ASPRV1: variants seen among roughly 807,000 people sequenced by gnomAD.
The protein encoded by ASPRV1 is aspartic peptidase retroviral like 1.
Under a neutral mutation model 11.0 loss-of-function variants are expected in ASPRV1, and 7 were observed. The observed-to-expected ratio is 0.64, with a 90% CI of 0.36 to 1.20. ASPRV1 has a LOEUF of 1.20. ASPRV1 is among the 50% of genes most tolerant of loss of function. The pLI is 0.02. For synonymous variants in ASPRV1, 136 were observed against 138.4 expected, an observed-to-expected ratio of 0.98 and a Z score of 0.12; for missense variants, 299 against 320.0, an observed-to-expected ratio of 0.93 and a Z score of 0.50.
the ASPRV1 span, among the ~76,000 whole-genome samples, chr2:70,043,868 G>A: frequency 6.6e-6 from 1 of 152,178 alleles, no homozygotes; most frequent in African/African-American, 2.4e-5. Flanking sequence ...GAACATGCTG[G>A]TGGGCTATCT....
At chr2:69,949,254 C>CGAATGAAT in the ASPRV1 span, among the ~76,000 whole-genome samples, 2,766 of 150,668 alleles carry the variant, frequency 0.018, 60 homozygotes, top group African/African-American at 0.041. Flanking sequence ...GATGGATGGG[C>CGAATGAAT]GAATGAATGA....
At chr2:69,982,713 C>G in the ASPRV1 span, among the ~76,000 whole-genome samples, 5 of 152,134 alleles carry the variant, frequency 3.3e-5, no homozygotes, top group African/African-American at 4.8e-5. Context: ...GCTGGGCAGT[C>G]CTGGGGGCTG....
At chr2:70,021,869 AT>A in the ASPRV1 span, among the ~76,000 whole-genome samples, 8 of 143,684 alleles carry the variant, frequency 5.6e-5, no homozygotes, top group Admixed American at 1.4e-4. Flanking sequence ...TACCCAGCTA[AT>A]TTTTTTTGTA....
At chr2:70,015,514 G>A in the ASPRV1 span, 1 of 152,190 alleles carries the variant, frequency 6.6e-6, no homozygotes, top group Non-Finnish European at 1.5e-5. Flanking sequence ...GGGCAACTGT[G>A]GGACTTGAAT....
the ASPRV1 span, among the ~76,000 whole-genome samples, chr2:69,973,981 T>C: frequency 6.6e-6 from 1 of 152,150 alleles, no homozygotes; most frequent in Non-Finnish European, 1.5e-5. Flanking sequence ...TAACACAACA[T>C]TATATAGTAT....
the ASPRV1 span, among the ~76,000 whole-genome samples, chr2:70,044,833 C>A: frequency 6.6e-6 from 1 of 152,174 alleles, no homozygotes; most frequent in Non-Finnish European, 1.5e-5. Context: ...CCAGTACATG[C>A]AGTGAGGATA....
At chr2:70,034,132 G>C in the ASPRV1 span, among the ~76,000 whole-genome samples, 1 of 132,048 alleles carries the variant, frequency 7.6e-6, no homozygotes, top group Non-Finnish European at 1.5e-5. Context: ...TCCAGCCTGA[G>C]CGACAGCGAG....
the ASPRV1 span, chr2:70,050,736 G>A: frequency 1.3e-5 from 2 of 152,280 alleles, no homozygotes; most frequent in East Asian, 1.9e-4. Context: ...GAGCACTTCA[G>A]GCCAAAGCTC....
the ASPRV1 span, among the ~76,000 whole-genome samples, chr2:69,948,718 C>T: frequency 6.6e-6 from 1 of 152,140 alleles, no homozygotes; most frequent in Non-Finnish European, 1.5e-5. Context: ...GCCCTGCCTC[C>T]GGGGCCACCG....
the ASPRV1 span, among the ~76,000 whole-genome samples, chr2:70,076,966 A>T: frequency 6.6e-6 from 1 of 152,344 alleles, no homozygotes; most frequent in African/African-American, 2.4e-5. Flanking sequence ...AACCACTGTA[A>T]GTCAGGGACT....
chr2:69,981,820 A>C, the ASPRV1 span, among the ~76,000 whole-genome samples: 3 of 152,132 alleles, frequency 2.0e-5, no homozygotes, highest in African/African-American at 7.2e-5. Context: ...TGGCCTCCCA[A>C]AGTGCTGGGA....
the ASPRV1 span, among the ~76,000 whole-genome samples, chr2:70,085,283 A>T: frequency 3.4e-4 from 52 of 152,210 alleles, no homozygotes; most frequent in Non-Finnish European, 6.3e-4. Context: ...ACCGACAGAC[A>T]CCTGAGCCTC....
the ASPRV1 span, chr2:70,071,777 G>T: frequency 1.3e-5 from 2 of 150,548 alleles, no homozygotes; most frequent in East Asian, 4.0e-4. Flanking sequence ...TTAAATTAAT[G>T]AGAAGTCTCA....
At chr2:69,951,004 G>A in the ASPRV1 span, among the ~76,000 whole-genome samples, 3 of 152,058 alleles carry the variant, frequency 2.0e-5, no homozygotes, top group Admixed American at 2.0e-4. Flanking sequence ...GAACGAGAGA[G>A]TGAAAGAGAA....
chr2:69,969,630 C>T, the ASPRV1 span, among the ~76,000 whole-genome samples: 1 of 152,256 alleles, frequency 6.6e-6, no homozygotes, highest in South Asian at 2.1e-4. Flanking sequence ...CCCCTCTCTG[C>T]ACCGCTTACC....
At chr2:69,991,110 C>T in the ASPRV1 span, among the ~76,000 whole-genome samples, 4 of 152,198 alleles carry the variant, frequency 2.6e-5, no homozygotes, top group Non-Finnish European at 4.4e-5. Context: ...GCCCCTGCAT[C>T]GTCACCACTG....
At chr2:69,982,089 A>G in the ASPRV1 span, among the ~76,000 whole-genome samples, 1 of 150,988 alleles carries the variant, frequency 6.6e-6, no homozygotes, top group East Asian at 1.9e-4. Context: ...CCATCCTTCC[A>G]TCCATCGGGC....
the ASPRV1 span, among the ~76,000 whole-genome samples, chr2:70,079,603 G>A: frequency 6.6e-6 from 1 of 152,150 alleles, no homozygotes; most frequent in Non-Finnish European, 1.5e-5. Flanking sequence ...AGTTGAGAAG[G>A]AGGAACCAGT....
At chr2:70,036,619 A>C in the ASPRV1 span, among the ~76,000 whole-genome samples, 1 of 152,146 alleles carries the variant, frequency 6.6e-6, no homozygotes, top group African/African-American at 2.4e-5. Flanking sequence ...AATAATCTAA[A>C]ACACACAGGA....
Sources: allele counts gnomAD v4.1 joint callset (sites outside exome capture counted in the v4.1 genomes callset), GRCh38; gene constraint gnomAD v4.1.1; transcripts MANE v1.5; gene names NCBI Gene and HGNC (gene_info 2026-07-23, HGNC 2026-07-21).